AGBL4: variants seen among roughly 807,000 people sequenced by gnomAD.
AGBL4 encodes cytosolic carboxypeptidase 6.
A neutral mutation model predicts 66.4 loss-of-function variants in AGBL4; 58 were observed. The observed-to-expected ratio is 0.87, with a 90% CI of 0.71 to 1.09. The LOEUF is 1.09. Ranked by LOEUF, AGBL4 falls within the 50% of genes least tolerant of loss-of-function variation. The probability of loss-of-function intolerance (pLI) is 0.00; values close to 1 mark genes in which losing one functional copy is unlikely to be tolerated. For synonymous variants in AGBL4, 234 were observed against 222.9 expected (o/e 1.05, Z -0.44); for missense variants, 579 against 631.0 (o/e 0.92, Z 0.88).
At chr1:48,652,214 A>T (rs187372096) in intron 8 of AGBL4, among the ~76,000 whole-genome samples, 1 of 152,306 alleles carries the variant, frequency 6.6e-6, no homozygotes. Flanking sequence ...ACAAATAAAC[A>T]AATACACAAA....
chr1:48,948,761 A>T (rs907801437), intron 5 of AGBL4, among the ~76,000 whole-genome samples: 5 of 152,154 alleles, frequency 3.3e-5, no homozygotes, highest in Non-Finnish European at 7.4e-5. Flanking sequence ...AAATTCTTTG[A>T]CACTTAGTAT....
At position 49,303,678 on chromosome 1, in the gene AGBL4, G is replaced by A. The variant is rs189895975; in HGVS notation, c.283-57814C>T. 5.3e-4 allele frequency among the ~76,000 whole-genome samples: 81 copies of A among 151,440 alleles called. No individual in the cohort carries two copies. In the South Asian group the frequency reaches 7.5e-3, roughly 14 times the overall value. ...TTCAGTAGAGACAGAGTTTCACCAC[G>A]TTGGCAAAGCTGATCTCAAACTCCT... On this transcript the variant is annotated intron_variant, in intron 3 of 13. Transcript: ENST00000371839.
chr1:48,883,934 A>C (rs771742958), intron 5 of AGBL4, among the ~76,000 whole-genome samples: 1 of 152,180 alleles, frequency 6.6e-6, no homozygotes, highest in South Asian at 2.1e-4. Context: ...CAAACAAACA[A>C]ACAAAAAACA....
At chr1:48,639,422 C>T (rs759891014) in intron 8 of AGBL4, among the ~76,000 whole-genome samples, 3 of 152,180 alleles carry the variant, frequency 2.0e-5, no homozygotes, top group Non-Finnish European at 2.9e-5. Context: ...ACCTCCTCTC[C>T]CTAGGCTCAA....
chr1:48,839,943 A>C (rs79370889), intron 6 of AGBL4, among the ~76,000 whole-genome samples: 5,592 of 152,186 alleles, frequency 0.037, 335 homozygotes, highest in African/African-American at 0.12. Context: ...AACTTGCTTC[A>C]TTCCTCACTT....
chr1:48,802,282 A>G (rs187315003), intron 6 of AGBL4, among the ~76,000 whole-genome samples: 176 of 152,286 alleles, frequency 1.2e-3, no homozygotes, highest in Non-Finnish European at 2.2e-3. Context: ...TTAACCTTCA[A>G]GAGTCACCTT....
At chr1:48,618,317 A>G (rs1387297002) in intron 9 of AGBL4, among the ~76,000 whole-genome samples, 1 of 152,220 alleles carries the variant, frequency 6.6e-6, no homozygotes, top group Non-Finnish European at 1.5e-5. Context: ...GTGACAAATT[A>G]GTGAAAATAG....
chr1:48,590,930 C>G lies in AGBL4; in HGVS notation c.1007G>C (p.Gly336Ala), dbSNP rs1166703321. The change falls in exon 10 of 14, where the codon GGC becomes GCC. Residue 336 changes from glycine (G) to alanine (A), a missense_variant. Transcript: ENST00000371839. Reference sequence around the variant, plus strand: ...CTCAAAGATGTTGCCATACATGAAGCCATTCATCATGGTGGAGTGGGCATG... The same window carrying G: ...CTCAAAGATGTTGCCATACATGAAGGCATTCATCATGGTGGAGTGGGCATG... ...DIHAHSTMMN[G>A]FMYGNIFEDE... The G allele has an allele frequency of 1.9e-6, 3 of 1,610,452 alleles. No individual in the cohort carries two copies. Among genetic ancestry groups the G allele is most frequent in the South Asian group, 2.2e-5 (2 of 89,742 alleles).
At chr1:49,015,275 A>C (rs1340623395) in intron 5 of AGBL4, among the ~76,000 whole-genome samples, 1 of 152,066 alleles carries the variant, frequency 6.6e-6, no homozygotes, top group East Asian at 1.9e-4. Context: ...TCTTTCCGCT[A>C]TCTAAAGCTG....
chr1:48,769,526 AACACACACACACACACACAC>A (rs558937968), intron 6 of AGBL4, among the ~76,000 whole-genome samples: 7 of 130,214 alleles, frequency 5.4e-5, no homozygotes, highest in Non-Finnish European at 9.6e-5. Flanking sequence ...GAGGATTTAA[AACACACACACACACACACAC>A]ACACACACAC....
intron 3 of AGBL4, among the ~76,000 whole-genome samples, chr1:49,309,681 C>A (rs530828448): frequency 4.0e-5 from 6 of 151,670 alleles, no homozygotes; most frequent in African/African-American, 1.5e-4. Context: ...GTGGTAGACG[C>A]AAATAATAAT....
At chr1:49,687,719 G>A (rs1481120529) in intron 3 of AGBL4, among the ~76,000 whole-genome samples, 1 of 151,784 alleles carries the variant, frequency 6.6e-6, no homozygotes, top group Non-Finnish European at 1.5e-5. Flanking sequence ...AGGTTGCAGT[G>A]AGCCAAGATC....
At chr1:48,588,444 A>C (rs1644858605) in intron 10 of AGBL4, among the ~76,000 whole-genome samples, 1 of 152,230 alleles carries the variant, frequency 6.6e-6, no homozygotes, top group Non-Finnish European at 1.5e-5. Flanking sequence ...GGAGGTGAAA[A>C]TAATATCTCT....
rs116252802 is a variant in AGBL4 at position 48,933,765 on chromosome 1, C to A, written c.595-66535G>T. 2.7e-3 allele frequency among the ~76,000 whole-genome samples: 408 copies of A among 152,286 alleles called. 4 individuals are homozygous for A. The highest frequency in any genetic ancestry group is 9.6e-3 in the African/African-American group (399 of 41,546). ...GGAAACTTTTAGAAAGTGTAACATA[C>A]CACACACATTAACTAGTATTTATTA... is the stretch of plus-strand genomic sequence containing the variant. On this transcript the variant is annotated intron_variant, in intron 5 of 13. Transcript: ENST00000371839.
In AGBL4 at chr1:48,626,658, C is replaced by T. The variant is rs1645507698; in HGVS notation, c.951+7835G>A. 3.3e-5 allele frequency among the ~76,000 whole-genome samples: 5 copies of T among 152,214 alleles called. No individual in the cohort carries two copies. In the South Asian group the frequency reaches 1.0e-3, roughly 31 times the overall value. On this transcript the variant is annotated intron_variant, in intron 9 of 13. Coordinates refer to ENST00000371839, the MANE Select transcript of AGBL4 (RefSeq NM_032785.4). ...AAAGTCCCGGAGAGGGTAAGAGACT[C>T]ACCTATGAGCACCAAGCAAATGAGT...
At chr1:49,980,815 T>C (rs1403393358) in intron 1 of AGBL4, among the ~76,000 whole-genome samples, 1 of 152,170 alleles carries the variant, frequency 6.6e-6, no homozygotes, top group East Asian at 1.9e-4. Flanking sequence ...AACTCTTAAC[T>C]TCAAGATAAA....
At chr1:48,909,873 TTTCCTATACATAA>T (rs1652939583) in intron 5 of AGBL4, among the ~76,000 whole-genome samples, 1 of 152,222 alleles carries the variant, frequency 6.6e-6, no homozygotes, top group African/African-American at 2.4e-5. Context: ...TATGTTTATG[TTTCCTATACATAA>T]TTTCTATAGT....
chr1:48,982,427 T>C (rs899365247), intron 5 of AGBL4, among the ~76,000 whole-genome samples: 1 of 151,984 alleles, frequency 6.6e-6, no homozygotes, highest in Non-Finnish European at 1.5e-5. Flanking sequence ...TTCCCACCTA[T>C]GAGTGAGAAC....
chr1:49,468,815 G>A (rs1261520002), intron 3 of AGBL4, among the ~76,000 whole-genome samples: 3 of 151,764 alleles, frequency 2.0e-5, no homozygotes, highest in Admixed American at 6.6e-5. Flanking sequence ...TATTGACTTT[G>A]TATATAAGCA....
Sources: allele counts gnomAD v4.1 joint callset (sites outside exome capture counted in the v4.1 genomes callset), GRCh38; gene constraint gnomAD v4.1.1; transcripts MANE v1.5; gene names NCBI Gene and HGNC (gene_info 2026-07-23, HGNC 2026-07-21).